The following CALN1 variants were observed in gnomAD, a reference collection of about 807,000 sequenced individuals.
CALN1 encodes calcium-binding protein 8.
A neutral mutation model predicts 30.6 loss-of-function variants in CALN1; 17 were observed. That is an observed-to-expected ratio of 0.56 (90% confidence interval 0.38 to 0.83). The LOEUF (loss-of-function observed/expected upper bound fraction) is 0.83. Ranked by LOEUF, CALN1 falls within the 40% of genes least tolerant of loss-of-function variation. CALN1 has a pLI of 0.00. For missense variants in CALN1, 291 were observed against 354.9 expected, an observed-to-expected ratio of 0.82 and a Z score of 1.45; for synonymous variants, 156 against 131.4, an observed-to-expected ratio of 1.19 and a Z score of -1.28.
chr7:72,241,981 A>G (rs1794870312), intron 3 of CALN1, among the ~76,000 whole-genome samples: 1 of 152,146 alleles, frequency 6.6e-6, no homozygotes, highest in Admixed American at 6.5e-5. Flanking sequence ...GGACTTTTTC[A>G]TTATCCCAAA....
At chr7:71,806,697 A>G (rs551437142) in intron 6 of CALN1, among the ~76,000 whole-genome samples, 2 of 151,780 alleles carry the variant, frequency 1.3e-5, no homozygotes, top group South Asian at 4.2e-4. Context: ...CAATGAGACT[A>G]CTGATGTCAG....
At chr7:71,978,170 T>G (rs1798193182) in intron 5 of CALN1, among the ~76,000 whole-genome samples, 1 of 151,446 alleles carries the variant, frequency 6.6e-6, no homozygotes, top group South Asian at 2.1e-4. Flanking sequence ...ACAAGTCAGC[T>G]TCTATGCCTA....
intron 2 of CALN1, among the ~76,000 whole-genome samples, chr7:72,363,665 G>A (rs1460927836): frequency 6.6e-6 from 1 of 151,808 alleles, no homozygotes; most frequent in Non-Finnish European, 1.5e-5. Flanking sequence ...TTCATTGGTG[G>A]GAATATGTAG....
intron 2 of CALN1, among the ~76,000 whole-genome samples, chr7:72,352,388 CAAAA>C (rs59245091): frequency 1.2e-5 from 1 of 82,042 alleles, no homozygotes; most frequent in African/African-American, 5.1e-5. Context: ...GACTCTGTCT[CAAAA>C]AAAAAAAAAA....
intron 5 of CALN1, among the ~76,000 whole-genome samples, chr7:71,870,493 C>T (rs900096727): frequency 6.6e-6 from 1 of 152,002 alleles, no homozygotes; most frequent in East Asian, 1.9e-4. Flanking sequence ...TGAAATGACT[C>T]ATAATTGAAT....
chr7:72,057,599 T>G (rs1803350845), intron 4 of CALN1, among the ~76,000 whole-genome samples: 1 of 152,120 alleles, frequency 6.6e-6, no homozygotes, highest in Non-Finnish European at 1.5e-5. Context: ...CTTCATTTTC[T>G]TCTAAGCAAA....
intron 4 of CALN1, among the ~76,000 whole-genome samples, chr7:72,054,109 G>A (rs1032885213): frequency 6.6e-6 from 1 of 152,074 alleles, no homozygotes; most frequent in Non-Finnish European, 1.5e-5. Flanking sequence ...AAACACGCAT[G>A]TGCAAGTACC....
chr7:72,238,633 T>C (rs1053685703), intron 3 of CALN1, among the ~76,000 whole-genome samples: 2 of 152,118 alleles, frequency 1.3e-5, no homozygotes, highest in Non-Finnish European at 2.9e-5. Flanking sequence ...CATGTTGTTC[T>C]CATGATAGTG....
intron 3 of CALN1, among the ~76,000 whole-genome samples, chr7:72,272,102 C>A (rs1797035635): frequency 6.7e-6 from 1 of 150,130 alleles, no homozygotes; most frequent in Non-Finnish European, 1.5e-5. Flanking sequence ...CAAATAGGGG[C>A]TCCTAGAGAA....
the CALN1 span, among the ~76,000 whole-genome samples, chr7:72,463,951 A>AGAAG: frequency 0.013 from 1,635 of 125,014 alleles, 69 homozygotes; most frequent in Admixed American, 0.078. Context: ...ACAAAGTGAG[A>AGAAG]GAAGGAAGGA....
intron 5 of CALN1, among the ~76,000 whole-genome samples, chr7:72,017,008 A>C (rs1186793869): frequency 1.4e-5 from 2 of 145,510 alleles, no homozygotes; most frequent in Admixed American, 1.3e-4. Flanking sequence ...CAAAAAAAAA[A>C]AAAAAAAAAG....
At chr7:72,277,664 C>T (rs1797423244) in intron 3 of CALN1, among the ~76,000 whole-genome samples, 1 of 152,150 alleles carries the variant, frequency 6.6e-6, no homozygotes, top group Non-Finnish European at 1.5e-5. Context: ...ATGGCCTCTC[C>T]TCTTCACCTC....
At chr7:71,879,509 C>G (rs1314058183) in intron 5 of CALN1, among the ~76,000 whole-genome samples, 1 of 152,208 alleles carries the variant, frequency 6.6e-6, no homozygotes, top group Non-Finnish European at 1.5e-5. Context: ...TGAGAAAGAG[C>G]AGAGATTGTG....
In CALN1 at chr7:71,925,495, G is replaced by GTT. The variant is rs35167114; in HGVS notation, c.501+98160_501+98161dup. 2.9e-3 allele frequency among the ~76,000 whole-genome samples: 399 copies of GTT among 136,538 alleles called. 1 individual carries two copies. Among genetic ancestry groups the GTT allele is most frequent in the African/African-American group, 7.8e-3 (291 of 37,306 alleles). The allele number at this position is 136,538 out of a possible 152,430, so 89.6% of individuals were successfully genotyped here. ...CCCTCCTATTTTTTGGGTTTTTTTG[G>GTT]TTTTTTTTTTTGGTTGTTGTTTGGT... On this transcript the variant is annotated intron_variant, in intron 5 of 6. Transcript: ENST00000395275.
chr7:72,262,991 G>A (rs1796368763), intron 3 of CALN1, among the ~76,000 whole-genome samples: 1 of 152,204 alleles, frequency 6.6e-6, no homozygotes. Context: ...CCAGTTAGAG[G>A]CATTTACATT....
At chr7:72,398,112 A>G (rs1255401338) in intron 2 of CALN1, among the ~76,000 whole-genome samples, 4 of 152,200 alleles carry the variant, frequency 2.6e-5, no homozygotes, top group African/African-American at 9.6e-5. Flanking sequence ...AGAGGCAAGA[A>G]GAGGAGAAAT....
At chr7:71,924,088 G>A (rs949937541) in intron 5 of CALN1, among the ~76,000 whole-genome samples, 24 of 151,924 alleles carry the variant, frequency 1.6e-4, no homozygotes, top group East Asian at 3.9e-4. Flanking sequence ...AGCTACTCGC[G>A]GGGCTGACGC....
intron 3 of CALN1, among the ~76,000 whole-genome samples, chr7:72,213,993 AG>A (rs1415768801): frequency 6.6e-5 from 10 of 152,098 alleles, no homozygotes; most frequent in Non-Finnish European, 1.2e-4. Context: ...TGGTCTAGGC[AG>A]GGGGTACCCA....
At chr7:72,389,331 T>C (rs1489537785) in intron 2 of CALN1, among the ~76,000 whole-genome samples, 1 of 152,244 alleles carries the variant, frequency 6.6e-6, no homozygotes, top group Non-Finnish European at 1.5e-5. Context: ...CCTTTACTTC[T>C]GTTTCATAGC....
Sources: gnomAD v4.1 joint callset for allele counts (sites outside exome capture counted in the v4.1 genomes callset) on GRCh38, gnomAD v4.1.1 for gene constraint, MANE v1.5 for transcripts, NCBI Gene and HGNC (gene_info 2026-07-23, HGNC 2026-07-21) for gene names.